ZNF69: variants seen among roughly 807,000 people sequenced by gnomAD.
The protein encoded by ZNF69 is zinc finger protein 69, also known as ZNF3.
Under a neutral mutation model 50.9 loss-of-function variants are expected in ZNF69, and 47 were observed. The ratio of observed to expected loss-of-function variants is 0.92; its 90% CI spans 0.73 to 1.18. ZNF69 has a LOEUF of 1.18. ZNF69 is among the 50% of genes most tolerant of loss of function. The probability of loss-of-function intolerance (pLI) is 0.00; values close to 1 mark genes in which losing one functional copy is unlikely to be tolerated. For missense variants in ZNF69, 717 were observed against 675.1 expected (o/e 1.06, Z -0.69); for synonymous variants, 216 against 223.1 (o/e 0.97, Z 0.29).
At chr19:11,978,621 T>C in the ZNF69 span, 2 of 1,614,178 alleles carry the variant, frequency 1.2e-6, no homozygotes, top group South Asian at 1.1e-5. Context: ...ATGTAAACAA[T>C]GTGTTAAATC....
the ZNF69 span, among the ~76,000 whole-genome samples, chr19:11,951,851 G>A: frequency 4.6e-5 from 7 of 152,314 alleles, no homozygotes; most frequent in Admixed American, 3.9e-4. Context: ...CATATGCCCG[G>A]TATGTGACTT....
chr19:11,941,528 C>T, the ZNF69 span, among the ~76,000 whole-genome samples: 14 of 152,346 alleles, frequency 9.2e-5, no homozygotes, highest in South Asian at 1.0e-3. Context: ...CCTCTGCAGC[C>T]GCTGGCCCAG....
At chr19:11,927,160 C>G in the ZNF69 span, among the ~76,000 whole-genome samples, 2 of 152,114 alleles carry the variant, frequency 1.3e-5, no homozygotes, top group Non-Finnish European at 2.9e-5. Flanking sequence ...CGAGACCAGC[C>G]TGGGCAACAT....
the ZNF69 span, among the ~76,000 whole-genome samples, chr19:11,974,075 TTCTTTCTTTCTTTCTTTC>T: frequency 1.5e-5 from 1 of 66,180 alleles, no homozygotes; most frequent in Non-Finnish European, 3.1e-5. Context: ...TTTCTTTTCT[TTCTTTCTTTCTTTCTTTC>T]TTTCTTTCTT....
the ZNF69 span, among the ~76,000 whole-genome samples, chr19:11,926,952 G>A: frequency 6.6e-6 from 1 of 152,168 alleles, no homozygotes; most frequent in Admixed American, 6.5e-5. Flanking sequence ...GTTCTTGCTT[G>A]TATTACCAGG....
At chr19:11,918,058 T>C (rs1972537327), downstream of ZNF69, among the ~76,000 whole-genome samples, 1 of 152,166 alleles carries the variant, frequency 6.6e-6, no homozygotes, top group Non-Finnish European at 1.5e-5. Context: ...AGTGCTGAGA[T>C]TACAGGCATG....
At chr19:11,927,896 C>G in the ZNF69 span, among the ~76,000 whole-genome samples, 949 of 152,288 alleles carry the variant, frequency 6.2e-3, 9 homozygotes, top group African/African-American at 0.022. Context: ...TGGTGTTACT[C>G]TGGCTCCCCT....
downstream of ZNF69, among the ~76,000 whole-genome samples, chr19:11,910,359 G>C (rs1972439625): frequency 6.6e-6 from 1 of 152,124 alleles, no homozygotes. Flanking sequence ...AGCCCACATT[G>C]CCAAGACAAT....
At chr19:11,901,394 A>G (rs574078993) in intron 1 of ZNF69, among the ~76,000 whole-genome samples, 1 of 152,348 alleles carries the variant, frequency 6.6e-6, no homozygotes, top group South Asian at 2.1e-4. Context: ...GATATAAACA[A>G]TTCCCACATG....
At chr19:11,970,949 C>A in the ZNF69 span, among the ~76,000 whole-genome samples, 1 of 151,828 alleles carries the variant, frequency 6.6e-6, no homozygotes, top group Non-Finnish European at 1.5e-5. Context: ...AAAAAAAAAA[C>A]TAAAAAACTA....
the ZNF69 span, among the ~76,000 whole-genome samples, chr19:11,919,813 A>G: frequency 6.6e-6 from 1 of 152,214 alleles, no homozygotes; most frequent in East Asian, 1.9e-4. Flanking sequence ...TGCTGGCAGC[A>G]AGATGTTGGA....
Position 11,905,169 on chromosome 19 carries a change from A to G in ZNF69, c.772A>G (p.Ser258Gly). 6.2e-7 allele frequency: 1 copy of G among 1,614,148 alleles called. No individual in the cohort carries two copies. The highest frequency in any genetic ancestry group is 8.5e-7 in the Non-Finnish European group (1 of 1,180,022). Residue 258 changes from serine to glycine, a missense_variant, in exon 4 of 4, where the codon AGT becomes GGT. Coordinates refer to ENST00000429654, the MANE Select transcript of ZNF69 (RefSeq NM_001364730.1). The part of the protein sequence containing the change: ...YECKQCGKSF[S>G]YSATLRIHER... ...ATGTAAACAATGTGGTAAATCCTTT[A>G]GTTATTCTGCTACCCTTCGAATACA...
At chr19:11,950,244 A>C in the ZNF69 span, 1 of 1,609,638 alleles carries the variant, frequency 6.2e-7, no homozygotes, top group East Asian at 2.2e-5. Flanking sequence ...GTGGGAAAGC[A>C]TTCAGCTAGC....
intron 4 of ZNF69, among the ~76,000 whole-genome samples, chr19:11,911,948 G>A (rs575764635): frequency 6.6e-6 from 1 of 151,716 alleles, no homozygotes; most frequent in Non-Finnish European, 1.5e-5. Flanking sequence ...AACCCTATGA[G>A]TGTAAGCAAT....
the ZNF69 span, chr19:11,961,525 C>A: frequency 6.6e-6 from 1 of 152,340 alleles, no homozygotes; most frequent in East Asian, 1.9e-4. Context: ...TTCTGCTTTT[C>A]CTCTTGGACC....
chr19:11,925,196 T>C, the ZNF69 span: 2 of 1,611,848 alleles, frequency 1.2e-6, no homozygotes, highest in Non-Finnish European at 1.7e-6. Context: ...CTTCTGTCGC[T>C]CTGTCGCCTG....
the ZNF69 span, among the ~76,000 whole-genome samples, chr19:11,940,995 T>C: frequency 6.6e-6 from 1 of 151,564 alleles, no homozygotes; most frequent in African/African-American, 2.4e-5. Context: ...AGAGTGCCGA[T>C]TGGTGTATTT....
At chr19:11,927,742 T>C in the ZNF69 span, among the ~76,000 whole-genome samples, 1 of 152,206 alleles carries the variant, frequency 6.6e-6, no homozygotes, top group African/African-American at 2.4e-5. Flanking sequence ...TATTGGGACA[T>C]CAGGACATTC....
the ZNF69 span, chr19:11,965,068 G>C: frequency 1.9e-6 from 2 of 1,059,642 alleles, no homozygotes; most frequent in Non-Finnish European, 1.4e-6. Context: ...TTGCGCAGCC[G>C]GTGGTTGATA....
Sources: allele counts gnomAD v4.1 joint callset (sites outside exome capture counted in the v4.1 genomes callset), GRCh38; gene constraint gnomAD v4.1.1; transcripts MANE v1.5; gene names NCBI Gene and HGNC (gene_info 2026-07-23, HGNC 2026-07-21).